The following MYLK variants were observed in gnomAD, a reference collection of about 807,000 sequenced individuals.
MYLK encodes myosin light chain kinase, smooth muscle.
In MYLK, 106 loss-of-function variants were observed where a neutral mutation model predicts 203.4. The observed-to-expected ratio is 0.52, with a 90% CI of 0.45 to 0.61. MYLK has a LOEUF of 0.61. Among genes scored for constraint, MYLK ranks in the 20% least tolerant of loss-of-function variants. The pLI is 0.00. For missense variants in MYLK, 2,072 were observed against 2,442.3 expected (o/e 0.85, Z 3.20); for synonymous variants, 867 against 959.5 (o/e 0.90, Z 1.78).
intron 2 of MYLK, among the ~76,000 whole-genome samples, chr3:123,857,289 A>G (rs1456464104): frequency 6.6e-6 from 1 of 152,172 alleles, no homozygotes; most frequent in Non-Finnish European, 1.5e-5. Context: ...CAGTCATCCC[A>G]TTACTGGGTA....
At chr3:123,867,280 C>T (rs994218150) in intron 2 of MYLK, among the ~76,000 whole-genome samples, 1 of 151,978 alleles carries the variant, frequency 6.6e-6, no homozygotes, top group Non-Finnish European at 1.5e-5. Context: ...TGAAGTGTGT[C>T]CCCCCAAAAA....
chr3:123,629,630 G>C lies in MYLK; in HGVS notation c.4962-4C>G. 6.2e-7 allele frequency: 1 copy of C among 1,613,590 alleles called. No individual in the cohort carries two copies. Among genetic ancestry groups the C allele is most frequent in the Non-Finnish European group, 8.5e-7 (1 of 1,180,008 alleles). ...GAAGGGGGAAAGGCCACTGACTCTG[G>C]AGAGACAAGAGCAGGACAGCAGGTG... On this transcript the variant is annotated splice_region_variant and splice_polypyrimidine_tract_variant and intron_variant, in intron 29 of 33. Transcript: ENST00000360304. This position sits in a 1 kb window ranked among gnomAD's most constrained non-coding sequence, Gnocchi z 4.4.
chr3:123,682,606 T>C (rs1018748006), intron 19 of MYLK, among the ~76,000 whole-genome samples: 24 of 152,212 alleles, frequency 1.6e-4, no homozygotes, highest in Admixed American at 6.5e-4. Context: ...CGGAATGCCA[T>C]TGCTGGCAGA....
intron 2 of MYLK, among the ~76,000 whole-genome samples, chr3:123,864,417 G>T (rs536793797): frequency 1.3e-5 from 2 of 152,184 alleles, no homozygotes; most frequent in South Asian, 4.2e-4. Context: ...AGTATTTAGG[G>T]GAATGTACAA....
chr3:123,718,368 G>A (rs1050055321), intron 13 of MYLK, among the ~76,000 whole-genome samples: 1 of 152,174 alleles, frequency 6.6e-6, no homozygotes, highest in Non-Finnish European at 1.5e-5. Context: ...CCTCCCTGCA[G>A]GGAGCTTACA....
At chr3:123,627,077 G>A (rs573322197) in intron 30 of MYLK, 136 bp from the exon 31 acceptor site, 22 of 953,656 alleles carry the variant, frequency 2.3e-5, no homozygotes, top group African/African-American at 9.7e-5. Context: ...ACCATCCACC[G>A]TGATCAGGAT....
At chr3:123,816,177 G>C (rs1299486040) in intron 3 of MYLK, among the ~76,000 whole-genome samples, 1 of 152,238 alleles carries the variant, frequency 6.6e-6, no homozygotes, top group African/African-American at 2.4e-5. Context: ...ACATCCTATG[G>C]GTCTCCCATA....
At chr3:123,749,143 G>C (rs556287529) in intron 5 of MYLK, among the ~76,000 whole-genome samples, 1 of 151,390 alleles carries the variant, frequency 6.6e-6, no homozygotes, top group East Asian at 1.9e-4. Flanking sequence ...GCTCAGTGTA[G>C]TGGTGCAGGC....
Position 123,813,781 on chromosome 3 carries a change from G to T in MYLK, c.-4+17767C>A, listed in dbSNP as rs551637989. 5.1e-4 allele frequency among the ~76,000 whole-genome samples: 78 copies of T among 152,250 alleles called. 1 individual carries two copies. The highest frequency in any genetic ancestry group is 1.5e-3 in the Admixed American group (23 of 15,280). ...CTGCCTTAGCCTCCCAAAGTGCTGG[G>T]ATTACAGGCATGAGCCACCATGCCC... On this transcript the variant is annotated intron_variant, in intron 3 of 33. Coordinates refer to ENST00000360304, the MANE Select transcript of MYLK (RefSeq NM_053025.4).
intron 3 of MYLK, among the ~76,000 whole-genome samples, chr3:123,810,282 A>G (rs1042453331): frequency 6.6e-6 from 1 of 152,148 alleles, no homozygotes; most frequent in South Asian, 2.1e-4. Flanking sequence ...TGGTTCCCAT[A>G]GTCTCCCTGT....
At chr3:123,828,007 C>G (rs530686480) in intron 3 of MYLK, among the ~76,000 whole-genome samples, 4 of 151,388 alleles carry the variant, frequency 2.6e-5, no homozygotes, top group Non-Finnish European at 5.9e-5. Flanking sequence ...CAAGTGGAAA[C>G]GCATCCTATG....
In MYLK at chr3:123,640,959, G is replaced by A. The variant is rs1453549825; in HGVS notation, c.4620-455C>T. The stretch of plus-strand genomic sequence containing the variant: ...GCATTTGTTCTGCATAGCCAGGAAC[G>A]GAAAAATATCTTCAATCATCAATAA... On this transcript the variant is annotated intron_variant, in intron 27 of 33. Transcript: ENST00000360304. The surrounding 1 kb of genome is among the most constrained non-coding windows in gnomAD (Gnocchi z 4.3). Among the ~76,000 whole-genome samples, 1 of 152,176 alleles carries A rather than the reference G, an allele frequency of 6.6e-6. No individual in the cohort carries two copies. The highest frequency in any genetic ancestry group is 1.5e-5 in the Non-Finnish European group (1 of 68,034).
chr3:123,861,425 G>T (rs2031909233), intron 2 of MYLK, among the ~76,000 whole-genome samples: 1 of 152,214 alleles, frequency 6.6e-6, no homozygotes, highest in Non-Finnish European at 1.5e-5. Context: ...GTCATCATAA[G>T]GAGAACCTTA....
intron 2 of MYLK, among the ~76,000 whole-genome samples, chr3:123,873,481 G>T (rs1409446761): frequency 2.6e-5 from 4 of 151,834 alleles, no homozygotes; most frequent in Non-Finnish European, 5.9e-5. Context: ...AAAGAAATTG[G>T]AATTGAATAA....
chr3:123,742,521 G>T (rs1388097935), intron 5 of MYLK, among the ~76,000 whole-genome samples: 4 of 151,850 alleles, frequency 2.6e-5, no homozygotes, highest in Non-Finnish European at 5.9e-5. Flanking sequence ...ACATAATCTA[G>T]TTGCAAAAAA....
chr3:123,736,604 G>A (rs1336355209), intron 8 of MYLK, among the ~76,000 whole-genome samples: 1 of 152,156 alleles, frequency 6.6e-6, no homozygotes, highest in Non-Finnish European at 1.5e-5. Context: ...AGAGGCAGGG[G>A]TCAAAAGGAT....
chr3:123,625,490 C>G (rs1185716580), intron 31 of MYLK, among the ~76,000 whole-genome samples: 2 of 145,818 alleles, frequency 1.4e-5, no homozygotes, highest in East Asian at 4.1e-4. Flanking sequence ...AAAAAAGAAA[C>G]CATGTCTTCT....
intron 2 of MYLK, among the ~76,000 whole-genome samples, chr3:123,838,443 T>A (rs983574017): frequency 6.6e-6 from 1 of 152,130 alleles, no homozygotes; most frequent in African/African-American, 2.4e-5. Flanking sequence ...CAGACAGAAT[T>A]TGAATCCAAA....
At chr3:123,631,385 A>C (rs1017574145) in intron 29 of MYLK, among the ~76,000 whole-genome samples, 1 of 140,682 alleles carries the variant, frequency 7.1e-6, no homozygotes, top group African/African-American at 3.1e-5. Context: ...GCAACAAGCG[A>C]AACTCAATCT....
Sources: allele counts gnomAD v4.1 joint callset (sites outside exome capture counted in the v4.1 genomes callset), GRCh38; gene constraint gnomAD v4.1.1; non-coding constraint Gnocchi (gnomAD v3.1); transcripts MANE v1.5; gene names NCBI Gene and HGNC (gene_info 2026-07-23, HGNC 2026-07-21).